Variants in CNTN2 observed in about 807,000 individuals in gnomAD.
CNTN2 encodes contactin 2.
A neutral mutation model predicts 117.5 loss-of-function variants in CNTN2; 53 were observed. That is an observed-to-expected ratio of 0.45 (90% CI 0.36 to 0.57). The LOEUF is 0.57. Ranked by LOEUF, CNTN2 falls within the 20% of genes least tolerant of loss-of-function variation. CNTN2 has a pLI of 0.00. For missense variants in CNTN2, 1,106 were observed against 1,404.3 expected, an observed-to-expected ratio of 0.79 and a Z score of 3.39; for synonymous variants, 530 against 561.7, an observed-to-expected ratio of 0.94 and a Z score of 0.80.
At position 205,074,884 on chromosome 1, in the gene CNTN2, G is replaced by A. The variant is rs1177945955; in HGVS notation, c.*1119G>A. ...TACCTAGGACCACCTGGCCAGATCC[G>A]CTCCCAGACGGCCTTGGACTGCTTG... On this transcript the variant is annotated 3_prime_UTR_variant, in exon 23 of 23. Coordinates refer to ENST00000331830, the MANE Select transcript of CNTN2 (RefSeq NM_005076.5). The A allele has an allele frequency of 8.5e-5, 34 of 398,536 alleles. No homozygotes were observed. Among genetic ancestry groups the A allele is most frequent in the South Asian group, 2.5e-4 (2 of 7,864 alleles). 24.7% of individuals were successfully genotyped at this position (398,536 alleles called of 1,614,324 possible). A position where few individuals can be genotyped will look rare whatever the true frequency, so the allele number is the denominator to read the frequency against.
Position 205,058,763 on chromosome 1 carries a change from C to G in CNTN2, c.487+100C>G. 1.1e-6 allele frequency: 1 copy of G among 886,098 alleles called. No homozygotes were observed. Among genetic ancestry groups the G allele is most frequent in the African/African-American group, 1.7e-5 (1 of 59,206 alleles). 54.9% of individuals were successfully genotyped at this position (886,098 alleles called of 1,614,324 possible). A position where few individuals can be genotyped will look rare whatever the true frequency, so the allele number is the denominator to read the frequency against. On this transcript the variant is annotated intron_variant, in intron 5 of 22. Transcript: ENST00000331830. This position sits in a 1 kb window ranked among gnomAD's most constrained non-coding sequence, Gnocchi z 4.3. ...AATAAAAGGAGACCCCTGGAAATGA[C>G]CCTTAGAAGCACCCATCCCTGGGAC...
rs746663369 is a variant in CNTN2 at position 205,064,764 on chromosome 1, T to C, written c.1519+14T>C. 71 of 1,613,356 alleles carry C rather than the reference T, an allele frequency of 4.4e-5. No individual in the cohort carries two copies. The highest frequency in any genetic ancestry group is 4.5e-5 in the Non-Finnish European group (53 of 1,179,724). ...TATCTGTGCGAGGTGAGGGCTGCCA[T>C]GTGGGTAGGCCGGGGGCTCAGCCTC... On this transcript the variant is annotated intron_variant, in intron 12 of 22. Coordinates refer to ENST00000331830, the MANE Select transcript of CNTN2 (RefSeq NM_005076.5).
At chr1:205,047,078 G>C (rs1448984702) in intron 1 of CNTN2, among the ~76,000 whole-genome samples, 1 of 152,204 alleles carries the variant, frequency 6.6e-6, no homozygotes, top group East Asian at 1.9e-4. Flanking sequence ...CAGCACCAGG[G>C]CTGGGCCTCG....
Position 205,062,642 on chromosome 1 carries a change from T to C in CNTN2, c.1240+73T>C, listed in dbSNP as rs545797566. The stretch of plus-strand genomic sequence containing the variant: ...TGGCTTTCAGAGCTCTGAGTTTAGG[T>C]GTTTCCAAACACACATGCACATACC... On this transcript the variant is annotated intron_variant, in intron 10 of 22. Coordinates refer to ENST00000331830, the MANE Select transcript of CNTN2 (RefSeq NM_005076.5). The C allele has an allele frequency of 3.2e-5, 49 of 1,528,988 alleles. No homozygotes were observed. In the South Asian group the frequency reaches 5.8e-4, roughly 18 times the overall value. 94.7% of individuals were successfully genotyped at this position (1,528,988 alleles called of 1,614,324 possible).
At position 205,064,398 on chromosome 1, in the gene CNTN2, C is replaced by G. The variant is rs1211041472; in HGVS notation, c.1317C>G (p.Pro439=). 6.2e-7 allele frequency: 1 copy of G among 1,612,856 alleles called. No individual in the cohort carries two copies. Among genetic ancestry groups the G allele is most frequent in the East Asian group, 2.2e-5 (1 of 44,820 alleles). ...CCCGCGGGGGAGAGATCCTTATCCC[C>G]TGCCAGCCCCGGGCAGCTCCAAAGG... is the stretch of plus-strand genomic sequence containing the variant. ...PAARGGEILI[P]CQPRAAPKAV... is the part of the protein sequence containing the mutation. The change falls in exon 11 of 23, where the codon CCC becomes CCG. Residue 439 remains proline (P), a synonymous_variant. Coordinates refer to ENST00000331830, the MANE Select transcript of CNTN2 (RefSeq NM_005076.5).
In CNTN2 at chr1:205,059,729, AC is replaced by A; in HGVS notation, c.797+48del. 6.5e-7 allele frequency: 1 copy of A among 1,540,818 alleles called. No individual in the cohort carries two copies. The highest frequency in any genetic ancestry group is 1.1e-5 in the South Asian group (1 of 89,632). On this transcript the variant is annotated intron_variant, in intron 7 of 22. Transcript: ENST00000331830. The surrounding 1 kb of genome is among the most constrained non-coding windows in gnomAD (Gnocchi z 5.6). ...AAGCAGAGCACGGTCTCTCGGGGGC[AC>A]AGGTGACCCCAGGGTGAGGGCAGGC...
Position 205,065,038 on chromosome 1 carries a change from G to T in CNTN2, c.1520-49G>T. 6.3e-7 allele frequency: 1 copy of T among 1,594,596 alleles called. No individual in the cohort carries two copies. ...TCAGCCTGCCCTGCGGACCCGGCCTGGGCCCATTTCCTCCCCCATCCACCC... is the reference window on the plus strand; with the variant it reads ...TCAGCCTGCCCTGCGGACCCGGCCTTGGCCCATTTCCTCCCCCATCCACCC... On this transcript the variant is annotated intron_variant, in intron 12 of 22. Transcript: ENST00000331830. The surrounding 1 kb of genome is among the most constrained non-coding windows in gnomAD (Gnocchi z 4.1).
chr1:205,074,724 G>A lies in CNTN2; in HGVS notation c.*959G>A. 2.5e-6 allele frequency: 1 copy of A among 399,054 alleles called. No individual in the cohort carries two copies. Among genetic ancestry groups the A allele is most frequent in the Non-Finnish European group, 4.4e-6 (1 of 226,286 alleles). 24.7% of individuals were successfully genotyped at this position (399,054 alleles called of 1,614,324 possible). On this transcript the variant is annotated 3_prime_UTR_variant, in exon 23 of 23. Transcript: ENST00000331830. ...GTCAGCTCGGCCTCCCCGACCTGCA[G>A]CCCCAGACTCTGCTCTCCCAGCACT...
chr1:205,058,547 G>A lies in CNTN2; in HGVS notation c.392-21G>A. 3.1e-6 allele frequency: 5 copies of A among 1,610,392 alleles called. No homozygotes were observed. Among genetic ancestry groups the A allele is most frequent in the Non-Finnish European group, 3.4e-6 (4 of 1,177,334 alleles). ...CGCAGGCCAGGAGGACAGTGCCTGAGCCCCTGGTCTCTGCCTCCAGTTCTG... is the reference window on the plus strand; with the variant it reads ...CGCAGGCCAGGAGGACAGTGCCTGAACCCCTGGTCTCTGCCTCCAGTTCTG... On this transcript the variant is annotated intron_variant, in intron 4 of 22. Coordinates refer to ENST00000331830, the MANE Select transcript of CNTN2 (RefSeq NM_005076.5). The surrounding 1 kb of genome is among the most constrained non-coding windows in gnomAD (Gnocchi z 4.3).
chr1:205,073,411 C>G lies in CNTN2; in HGVS notation c.3013+175C>G, dbSNP rs1006695490. 4 of 859,646 alleles carry G rather than the reference C, an allele frequency of 4.7e-6. No individual in the cohort carries two copies. The African/African-American group carries it at 5.1e-5, about 11-fold the overall frequency. 53.3% of individuals were successfully genotyped at this position (859,646 alleles called of 1,614,324 possible). ...ACTGCCTCGCCGCCACCTTTCTACC[C>G]AGCCCCCAGAACATCCCCGAGGGCC... On this transcript the variant is annotated intron_variant, in intron 22 of 22. Transcript: ENST00000331830. The surrounding 1 kb of genome is among the most constrained non-coding windows in gnomAD (Gnocchi z 6.3).
rs1425001321 is a variant in CNTN2, at chr1:205,062,716, C to G, written c.1240+147C>G. The G allele has an allele frequency of 6.5e-6, 6 of 928,474 alleles. No homozygotes were observed. The Admixed American group carries it at 1.1e-4, about 17-fold the overall frequency. 57.5% of individuals were successfully genotyped at this position (928,474 alleles called of 1,614,324 possible). A position where few individuals can be genotyped will look rare whatever the true frequency, so the allele number is the denominator to read the frequency against. On this transcript the variant is annotated intron_variant, in intron 10 of 22. Coordinates refer to ENST00000331830, the MANE Select transcript of CNTN2 (RefSeq NM_005076.5). ...CCAACAGTTTCTAAGTAGGAGAACTCAGAGATTTAAGAAAGGAGATGAGAC... is the reference window on the plus strand; with the variant it reads ...CCAACAGTTTCTAAGTAGGAGAACTGAGAGATTTAAGAAAGGAGATGAGAC...
At chr1:205,054,706 C>T (rs1030917869) in intron 2 of CNTN2, among the ~76,000 whole-genome samples, 7 of 152,198 alleles carry the variant, frequency 4.6e-5, no homozygotes, top group Non-Finnish European at 7.3e-5. Context: ...ACAGGAGTGG[C>T]AAATCCCATC....
In CNTN2 at chr1:205,065,850, C is replaced by G; in HGVS notation, c.1757C>G (p.Thr586Arg). The G allele has an allele frequency of 6.3e-7, 1 of 1,583,184 alleles. No individual in the cohort carries two copies. The highest frequency in any genetic ancestry group is 1.1e-5 in the South Asian group (1 of 90,264). ...CAGCTGCGCCATGGGGGGAAGTACACGTGCATGGCCCAGACGGTGGTGGAC... is the reference window on the plus strand; with the variant it reads ...CAGCTGCGCCATGGGGGGAAGTACAGGTGCATGGCCCAGACGGTGGTGGAC... ...NAQLRHGGKY[T>R]CMAQTVVDSA... The change falls in exon 14 of 23, where the codon ACG (threonine) becomes AGG (arginine). Residue 586 changes from threonine to arginine, a missense_variant. Physicochemically the swap from Thr to Arg is moderately conservative, Grantham distance 71. Transcript: ENST00000331830. This position sits in a 1 kb window ranked among gnomAD's most constrained non-coding sequence, Gnocchi z 4.1.
In CNTN2 at chr1:205,074,184, A is replaced by C. The variant is rs1654747992; in HGVS notation, c.*419A>C. ...AACACCAGACATGAACAGGTTGAAG[A>C]ACTGGAGCGAAGTGCACACCTCACC... On this transcript the variant is annotated 3_prime_UTR_variant, in exon 23 of 23. Transcript: ENST00000331830. 2.2e-6 allele frequency: 1 copy of C among 450,354 alleles called. No individual in the cohort carries two copies. The highest frequency in any genetic ancestry group is 3.9e-6 in the Non-Finnish European group (1 of 255,592). The allele number at this position is 450,354 out of a possible 1,614,324, so 27.9% of individuals were successfully genotyped here. A position where few individuals can be genotyped will look rare whatever the true frequency, so the allele number is the denominator to read the frequency against.
chr1:205,051,882 G>C (rs577527037), intron 1 of CNTN2, among the ~76,000 whole-genome samples: 1 of 152,340 alleles, frequency 6.6e-6, no homozygotes, highest in East Asian at 1.9e-4. Context: ...GCACAGGCCT[G>C]AGAGGCAATC....
chr1:205,064,570 C>A, intron 11 of CNTN2, 53 bp from the exon 12 acceptor site: 1 of 1,605,170 alleles, frequency 6.2e-7, no homozygotes, highest in Non-Finnish European at 8.5e-7. Flanking sequence ...AGTTGGCCAG[C>A]CCCAGGGACA....
At chr1:205,054,600 T>C (rs2096458121) in intron 2 of CNTN2, among the ~76,000 whole-genome samples, 1 of 152,322 alleles carries the variant, frequency 6.6e-6, no homozygotes. Flanking sequence ...GAAAGGGGTA[T>C]GGACAGCATC....
chr1:205,055,646 A>G (rs909151662), intron 2 of CNTN2, among the ~76,000 whole-genome samples: 2 of 152,164 alleles, frequency 1.3e-5, no homozygotes, highest in African/African-American at 2.4e-5. Flanking sequence ...TTCTGATGGG[A>G]AACAGAGGTC....
In CNTN2 at chr1:205,059,189, A is replaced by G; in HGVS notation, c.593A>G (p.Asn198Ser). 6.2e-7 allele frequency: 1 copy of G among 1,614,126 alleles called. No homozygotes were observed. Among genetic ancestry groups the G allele is most frequent in the South Asian group, 1.1e-5 (1 of 91,068 alleles). Residue 198 changes from asparagine to serine, a missense_variant, in exon 6 of 23, where the codon AAT becomes AGT. Asn to Ser is a conservative substitution (Grantham distance 46). Transcript: ENST00000331830. The surrounding 1 kb of genome is among the most constrained non-coding windows in gnomAD (Gnocchi z 5.6). ...GGGAACCTGTACATTGCCCGAACCA[A>G]TGCCTCAGACCTGGGCAACTACTCC... ...TTGNLYIARTNASDLGNYSCL... is the reference protein window; with the variant it reads ...TTGNLYIARTSASDLGNYSCL...
Sources: gnomAD v4.1 joint callset for allele counts (sites outside exome capture counted in the v4.1 genomes callset) on GRCh38, gnomAD v4.1.1 for gene constraint, Gnocchi (gnomAD v3.1) non-coding constraint, MANE v1.5 for transcripts, NCBI Gene and HGNC (gene_info 2026-07-23, HGNC 2026-07-21) for gene names.